DYNC2I1: variants seen among roughly 807,000 people sequenced by gnomAD.
The protein encoded by DYNC2I1 is dynein 2 intermediate chain 1, also known as cytoplasmic dynein 2 intermediate chain 1.
A neutral mutation model predicts 133.4 loss-of-function variants in DYNC2I1; 89 were observed. That is an observed-to-expected ratio of 0.67 (90% confidence interval 0.56 to 0.80). The LOEUF (loss-of-function observed/expected upper bound fraction) is 0.80. DYNC2I1 is among the 30% of genes least tolerant of loss of function. DYNC2I1 has a pLI of 0.00. For missense variants in DYNC2I1, 1,291 were observed against 1,314.5 expected (o/e 0.98, Z 0.28); for synonymous variants, 504 against 484.3 (o/e 1.04, Z -0.54).
At chr7:158,912,435 TG>T (rs1847577455) in intron 12 of DYNC2I1, among the ~76,000 whole-genome samples, 1 of 152,186 alleles carries the variant, frequency 6.6e-6, no homozygotes, top group South Asian at 2.1e-4. Flanking sequence ...AAGAAGCTGA[TG>T]GCTTTTACAA....
At position 158,942,035 on chromosome 7, in the gene DYNC2I1, C is replaced by T; in HGVS notation, c.2889C>T (p.Ser963=). The T allele has an allele frequency of 4.3e-6, 7 of 1,613,356 alleles. No individual in the cohort carries two copies. Among genetic ancestry groups the T allele is most frequent in the Non-Finnish European group, 5.9e-6 (7 of 1,179,710 alleles). ...DSHAVTGLQW[S]PTRPAVFLVQ... is the part of the protein sequence containing the mutation. ...ATGCGGTCACCGGCCTGCAGTGGTC[C>T]CCAACCAGGCCTGCCGTGTTCCTGG... is the stretch of plus-strand genomic sequence containing the variant. Residue 963 remains serine, a synonymous_variant, in exon 24 of 25, where the codon TCC becomes TCT. Transcript: ENST00000407559.
chr7:158,882,830 C>T (rs971222507), intron 5 of DYNC2I1, among the ~76,000 whole-genome samples: 18 of 148,946 alleles, frequency 1.2e-4, no homozygotes, highest in African/African-American at 3.5e-4. Flanking sequence ...GAACTGAGAT[C>T]GTGCCACTGC....
In DYNC2I1 at chr7:158,918,724, C is replaced by T. The variant is rs1249686371; in HGVS notation, c.1792-16C>T. The T allele has an allele frequency of 1.2e-6, 2 of 1,612,430 alleles. No homozygotes were observed. Among genetic ancestry groups the T allele is most frequent in the Non-Finnish European group, 1.7e-6 (2 of 1,179,222 alleles). On this transcript the variant is annotated splice_polypyrimidine_tract_variant and intron_variant, in intron 14 of 24. Transcript: ENST00000407559. ...TGTGAAGTTTTTATTAAAGACTACT[C>T]ACTTATGTCTGACAGGTGATGGCCG... is the stretch of plus-strand genomic sequence containing the variant.
intron 14 of DYNC2I1, 44 bp from the exon 15 acceptor site, chr7:158,918,696 C>T (rs779421253): frequency 8.8e-6 from 14 of 1,594,068 alleles, no homozygotes; most frequent in Non-Finnish European, 1.0e-5. Flanking sequence ...AAAGATAATC[C>T]ATTGTGAAGT....
chr7:158,884,688 CTTA>C, intron 6 of DYNC2I1, 69 bp downstream of exon 6: 1 of 1,539,786 alleles, frequency 6.5e-7, no homozygotes, highest in Non-Finnish European at 8.9e-7. Flanking sequence ...AGGGAATTTT[CTTA>C]TTGGCTCCGA....
At chr7:158,848,579 TA>T in the DYNC2I1 span, among the ~76,000 whole-genome samples, 25 of 152,036 alleles carry the variant, frequency 1.6e-4, no homozygotes, top group Non-Finnish European at 2.8e-4. Context: ...TGAAGTAAAA[TA>T]AAATGAAAAC....
downstream of DYNC2I1, among the ~76,000 whole-genome samples, chr7:158,949,651 G>A (rs1464412148): frequency 6.6e-6 from 1 of 152,110 alleles, no homozygotes; most frequent in Non-Finnish European, 1.5e-5. Context: ...CAGGCGGCGC[G>A]GCTTCAGGGA....
At chr7:158,891,217 G>A in intron 7 of DYNC2I1, 48 bp from the exon 8 acceptor site, 1 of 1,607,172 alleles carries the variant, frequency 6.2e-7, no homozygotes, top group Non-Finnish European at 8.5e-7. Context: ...CGTGTGCCCT[G>A]GAGTCCCACC....
chr7:158,947,588 G>T (rs1456446786), downstream of DYNC2I1, among the ~76,000 whole-genome samples: 3 of 152,190 alleles, frequency 2.0e-5, no homozygotes, highest in African/African-American at 7.2e-5. Context: ...AATCCAGGGA[G>T]TTCTGTCTGG....
chr7:158,846,484 G>A, the DYNC2I1 span, among the ~76,000 whole-genome samples: 2 of 152,084 alleles, frequency 1.3e-5, no homozygotes, highest in African/African-American at 4.8e-5. Context: ...GTTGGGAATT[G>A]TCTATGTAAG....
At chr7:158,934,921 G>T (rs1239976348) in intron 23 of DYNC2I1, among the ~76,000 whole-genome samples, 1 of 152,100 alleles carries the variant, frequency 6.6e-6, no homozygotes, top group Non-Finnish European at 1.5e-5. Context: ...CATTTATGGG[G>T]CGTCAGTGGT....
intron 19 of DYNC2I1, among the ~76,000 whole-genome samples, chr7:158,926,774 G>A (rs899421754): frequency 2.0e-5 from 3 of 152,226 alleles, no homozygotes; most frequent in Admixed American, 6.5e-5. Flanking sequence ...CGCCAAGACT[G>A]TTGATTAAGT....
intron 20 of DYNC2I1, among the ~76,000 whole-genome samples, chr7:158,928,926 T>A (rs1049177821): frequency 4.6e-5 from 7 of 152,204 alleles, no homozygotes; most frequent in African/African-American, 1.7e-4. Flanking sequence ...CGGATGGTAC[T>A]GAGATCATTT....
intron 8 of DYNC2I1, among the ~76,000 whole-genome samples, chr7:158,898,873 T>G (rs1439058707): frequency 6.6e-6 from 1 of 152,084 alleles, no homozygotes; most frequent in Non-Finnish European, 1.5e-5. Context: ...AAAGGTTGTT[T>G]TTTTTTTTTA....
Position 158,918,859 on chromosome 7 carries a change from A to G in DYNC2I1, c.1911A>G (p.Pro637=). The change falls in exon 15 of 25, where the codon CCA becomes CCG. Residue 637 remains proline, a synonymous_variant. Coordinates refer to ENST00000407559, the MANE Select transcript of DYNC2I1 (RefSeq NM_018051.5). ...DSSSQLNTSL[P]FLQNRKVSSL... is the part of the protein sequence containing the mutation. ...CATCTCAGCTGAACACCAGTCTACCATTCCTTCAAAGTAAGAGGCTGTTCT... is the reference window on the plus strand; with the variant it reads ...CATCTCAGCTGAACACCAGTCTACCGTTCCTTCAAAGTAAGAGGCTGTTCT... 3 of 1,612,804 alleles carry G rather than the reference A, an allele frequency of 1.9e-6. No individual in the cohort carries two copies. Among genetic ancestry groups the G allele is most frequent in the Middle Eastern group, 1.6e-4 (1 of 6,062 alleles).
At chr7:158,847,222 G>C in the DYNC2I1 span, among the ~76,000 whole-genome samples, 5 of 152,036 alleles carry the variant, frequency 3.3e-5, no homozygotes, top group African/African-American at 1.2e-4. Context: ...TTTTCACTTG[G>C]AATTTGGGTT....
At chr7:158,915,798 T>C (rs1848142558) in intron 14 of DYNC2I1, among the ~76,000 whole-genome samples, 1 of 141,036 alleles carries the variant, frequency 7.1e-6, no homozygotes, top group Non-Finnish European at 1.6e-5. Context: ...TTGTGAAACG[T>C]CGACACGCTG....
At chr7:158,933,984 A>G (rs2129487868) in intron 21 of DYNC2I1, 145 bp from the exon 22 acceptor site, 3 of 609,716 alleles carry the variant, frequency 4.9e-6, no homozygotes, top group Non-Finnish European at 8.4e-6. Flanking sequence ...AGAAGAAAAT[A>G]GAAACAGAGT....
intron 8 of DYNC2I1, among the ~76,000 whole-genome samples, chr7:158,894,493 T>C (rs1362460848): frequency 6.6e-6 from 1 of 152,250 alleles, no homozygotes; most frequent in Non-Finnish European, 1.5e-5. Flanking sequence ...ATATGCATTT[T>C]AAGGTCCCCC....
Sources: gnomAD v4.1 joint callset for allele counts (sites outside exome capture counted in the v4.1 genomes callset) on GRCh38, gnomAD v4.1.1 for gene constraint, MANE v1.5 for transcripts, NCBI Gene and HGNC (gene_info 2026-07-23, HGNC 2026-07-21) for gene names.